Variants in ANKRD44 observed in about 807,000 individuals in gnomAD.
The protein encoded by ANKRD44 is serine/threonine-protein phosphatase 6 regulatory ankyrin repeat subunit B.
In ANKRD44, 35 loss-of-function variants were observed where a neutral mutation model predicts 116.0. The ratio of observed to expected loss-of-function variants is 0.30; its 90% CI spans 0.23 to 0.40. ANKRD44 has a LOEUF of 0.40. ANKRD44 is among the 10% of genes least tolerant of loss of function. The pLI is 1.00. For missense variants in ANKRD44, 1,014 were observed against 1,242.6 expected (o/e 0.82, Z 2.77); for synonymous variants, 435 against 461.8 (o/e 0.94, Z 0.74).
intron 2 of ANKRD44, among the ~76,000 whole-genome samples, chr2:197,179,812 C>T (rs1029510378): frequency 6.6e-5 from 10 of 152,116 alleles, no homozygotes; most frequent in African/African-American, 1.9e-4. Context: ...TTTAAATGGC[C>T]GTGAAGCCAC....
intron 2 of ANKRD44, among the ~76,000 whole-genome samples, chr2:197,186,606 ATTTTTCTTTTTTTTT>A (rs376826813): frequency 2.5e-5 from 2 of 81,454 alleles, no homozygotes; most frequent in Admixed American, 3.0e-4. Context: ...TGCCCGGCTA[ATTTTTCTTTTTTTTT>A]TTTTTTTTTT....
chr2:196,990,015 A>T, intron 27 of ANKRD44: 4 of 1,052,700 alleles, frequency 3.8e-6, no homozygotes, highest in Non-Finnish European at 3.4e-6. Flanking sequence ...AATTAGTCAC[A>T]GGCTTGTTAT....
At position 197,201,975 on chromosome 2, in the gene ANKRD44, A is replaced by G. The variant is rs1233915546; in HGVS notation, c.28-14869T>C. On this transcript the variant is annotated intron_variant, in intron 1 of 27. Transcript: ENST00000282272. This position sits in a 1 kb window ranked among gnomAD's most constrained non-coding sequence, Gnocchi z 4.0. The stretch of plus-strand genomic sequence containing the variant: ...ACATTCCAAGGGTTTAAAATGCACA[A>G]TACAATCATAGTTCTTTTGAGATCA... 1.3e-5 allele frequency among the ~76,000 whole-genome samples: 2 copies of G among 152,236 alleles called. No homozygotes were observed. The highest frequency in any genetic ancestry group is 2.4e-5 in the African/African-American group (1 of 41,462).
chr2:197,193,606 G>A (rs1307827373), intron 1 of ANKRD44, among the ~76,000 whole-genome samples: 2 of 152,108 alleles, frequency 1.3e-5, no homozygotes, highest in Admixed American at 6.5e-5. Flanking sequence ...ACGGCCAGGC[G>A]CGGTGGCTCA....
intron 9 of ANKRD44, among the ~76,000 whole-genome samples, chr2:197,102,627 T>G (rs1425521444): frequency 6.6e-6 from 1 of 152,234 alleles, no homozygotes; most frequent in Non-Finnish European, 1.5e-5. Flanking sequence ...TCATGACTTT[T>G]GCTCATTTTT....
In ANKRD44 at chr2:197,000,433, T is replaced by G. The variant is rs371650942; in HGVS notation, c.2505A>C (p.Arg835Ser). 6.2e-7 allele frequency: 1 copy of G among 1,613,918 alleles called. No individual in the cohort carries two copies. The highest frequency in any genetic ancestry group is 8.5e-7 in the Non-Finnish European group (1 of 1,179,932). Reference sequence around the variant, plus strand: ...AGATTACTTACCTGCCTTTGTCATCTCTACAACTGACGATACTGGAATCTA... The same window carrying G: ...AGATTACTTACCTGCCTTTGTCATCGCTACAACTGACGATACTGGAATCTA... ...GAIDSSIVSC[R>S]DDKGRTPLHA... The change falls in exon 23 of 28, where the codon AGA becomes AGC. Residue 835 changes from arginine to serine, a missense_variant. Arg to Ser is a moderately radical substitution (Grantham distance 110). Coordinates refer to ENST00000282272, the MANE Select transcript of ANKRD44 (RefSeq NM_001195144.2).
intron 2 of ANKRD44, among the ~76,000 whole-genome samples, chr2:197,150,268 G>A (rs1015345316): frequency 6.6e-6 from 1 of 152,184 alleles, no homozygotes; most frequent in Non-Finnish European, 1.5e-5. Context: ...ATGAAAGTGG[G>A]CTGGGCACGG....
At position 197,013,626 on chromosome 2, in the gene ANKRD44, A is replaced by G. The variant is rs1211014756; in HGVS notation, c.1809T>C (p.Ala603=). 2 of 1,614,168 alleles carry G rather than the reference A, an allele frequency of 1.2e-6. No individual in the cohort carries two copies. ...GTCCTTTAAAGGCAGCCAGATCCAG[A>G]GCAGTGCGGCCTTTCTCATCCCTGA... ...LDIRDEKGRT[A]LDLAAFKGHT... Residue 603 remains alanine, a synonymous_variant, in exon 18 of 28, where the codon GCT becomes GCC. Transcript: ENST00000282272.
rs1379950769 is a variant in ANKRD44 at position 196,989,284 on chromosome 2, A to G, written c.*307T>C. On this transcript the variant is annotated 3_prime_UTR_variant, in exon 28 of 28. Coordinates refer to ENST00000282272, the MANE Select transcript of ANKRD44 (RefSeq NM_001195144.2). ...GACATTTTCTCTAGTTTGGCAAAAA[A>G]AAAAAAAAAGGTCAGCACATCATCA... The G allele has an allele frequency of 1.0e-6, 1 of 993,104 alleles. No individual in the cohort carries two copies. The highest frequency in any genetic ancestry group is 1.0e-4 in the East Asian group (1 of 9,540). The allele number at this position is 993,104 out of a possible 1,614,324, so 61.5% of individuals were successfully genotyped here.
intron 16 of ANKRD44, among the ~76,000 whole-genome samples, chr2:197,074,517 G>C (rs563920165): frequency 6.6e-6 from 1 of 152,202 alleles, no homozygotes; most frequent in South Asian, 2.1e-4. Flanking sequence ...TGTCACCCAG[G>C]CTGTACTGCA....
intron 1 of ANKRD44, among the ~76,000 whole-genome samples, chr2:197,237,431 C>T (rs926128304): frequency 6.6e-6 from 1 of 152,178 alleles, no homozygotes; most frequent in African/African-American, 2.4e-5. Flanking sequence ...CTCGCCAACC[C>T]TCTTGCTTTT....
intron 1 of ANKRD44, among the ~76,000 whole-genome samples, chr2:197,294,596 C>A (rs1574464702): frequency 6.6e-6 from 1 of 152,162 alleles, no homozygotes; most frequent in South Asian, 2.1e-4. Flanking sequence ...CACCCCTCCG[C>A]CCCAACACAC....
intron 16 of ANKRD44, among the ~76,000 whole-genome samples, chr2:197,037,791 C>G (rs1403478334): frequency 6.6e-6 from 1 of 152,000 alleles, no homozygotes; most frequent in Non-Finnish European, 1.5e-5. Context: ...TGACAAAAAA[C>G]AATTAGCCAA....
chr2:197,166,699 T>C (rs2080109467), intron 2 of ANKRD44, among the ~76,000 whole-genome samples: 1 of 151,578 alleles, frequency 6.6e-6, no homozygotes, highest in Admixed American at 6.6e-5. Flanking sequence ...GATGAGGAAA[T>C]AGAGGCACGG....
At chr2:197,194,491 A>C (rs1402996166) in intron 1 of ANKRD44, among the ~76,000 whole-genome samples, 1 of 152,214 alleles carries the variant, frequency 6.6e-6, no homozygotes, top group African/African-American at 2.4e-5. Flanking sequence ...ACGAAGTCTA[A>C]TGATTTGCCT....
intron 1 of ANKRD44, among the ~76,000 whole-genome samples, chr2:197,260,344 T>G (rs180792922): frequency 0.014 from 2,090 of 152,324 alleles, 16 homozygotes; most frequent in Non-Finnish European, 0.02. Context: ...TTTGGTTTTT[T>G]GTCCTTGTGA....
intron 16 of ANKRD44, among the ~76,000 whole-genome samples, chr2:197,048,238 G>A (rs563503801): frequency 3.3e-5 from 5 of 152,016 alleles, no homozygotes; most frequent in African/African-American, 4.8e-5. Flanking sequence ...TGTGCACCAC[G>A]TGCAGGTTTG....
chr2:197,070,713 T>TGTGC (rs1452124280), intron 16 of ANKRD44, among the ~76,000 whole-genome samples: 1 of 152,128 alleles, frequency 6.6e-6, no homozygotes, highest in Non-Finnish European at 1.5e-5. Flanking sequence ...TCTGTGTGTG[T>TGTGC]GTGTGTGTCT....
chr2:197,285,415 C>T (rs1380798565), intron 1 of ANKRD44, among the ~76,000 whole-genome samples: 2 of 152,144 alleles, frequency 1.3e-5, no homozygotes, highest in African/African-American at 2.4e-5. Context: ...CTAGAGGAAA[C>T]AGGTTCCAGG....
Sources: allele counts gnomAD v4.1 joint callset (sites outside exome capture counted in the v4.1 genomes callset), GRCh38; gene constraint gnomAD v4.1.1; non-coding constraint Gnocchi (gnomAD v3.1); transcripts MANE v1.5; gene names NCBI Gene and HGNC (gene_info 2026-07-23, HGNC 2026-07-21).